Variants in EYS observed in about 807,000 individuals in gnomAD.
EYS encodes EGF-like photoreceptor maintenance factor.
Under a neutral mutation model 282.1 loss-of-function variants are expected in EYS, and 250 were observed. That is an observed-to-expected ratio of 0.89 (90% CI 0.80 to 0.98). The LOEUF (loss-of-function observed/expected upper bound fraction) is 0.98, where lower values mean the gene tolerates loss of function less well. EYS is among the 50% of genes least tolerant of loss of function. EYS has a pLI of 0.00. For missense variants in EYS, 4,016 were observed against 3,709.0 expected, an observed-to-expected ratio of 1.08 and a Z score of -2.15; for synonymous variants, 1,355 against 1,282.9, an observed-to-expected ratio of 1.06 and a Z score of -1.20.
intron 28 of EYS, among the ~76,000 whole-genome samples, chr6:64,399,939 G>T (rs1279925646): frequency 6.6e-6 from 1 of 151,898 alleles, no homozygotes; most frequent in Non-Finnish European, 1.5e-5. Flanking sequence ...AGTATTAGCT[G>T]CATGGAATTC....
intron 31 of EYS, among the ~76,000 whole-genome samples, chr6:64,192,923 A>G (rs957545820): frequency 6.6e-6 from 1 of 152,066 alleles, no homozygotes; most frequent in African/African-American, 2.4e-5. Flanking sequence ...TCAATAAATC[A>G]TGTTTCTCTC....
chr6:64,229,366 A>C (rs764361582), intron 31 of EYS, among the ~76,000 whole-genome samples: 3 of 152,190 alleles, frequency 2.0e-5, no homozygotes, highest in Non-Finnish European at 4.4e-5. Flanking sequence ...TAAATAGTTA[A>C]ATGTAGATCT....
chr6:65,653,910 T>C (rs770352441), intron 1 of EYS, among the ~76,000 whole-genome samples: 3 of 152,102 alleles, frequency 2.0e-5, no homozygotes, highest in African/African-American at 4.8e-5. Context: ...AGCAAAAATA[T>C]GTCTGTATCT....
At position 64,230,600 on chromosome 6, in the gene EYS, C is replaced by T. The variant is rs749909863; in HGVS notation, c.6416G>A (p.Cys2139Tyr). Reference sequence around the variant, plus strand: ...TAATGAAGATTGATTACCTTTTTCACAGAAGCGGCCAGTGAAATGTAGTGG... The same window carrying T: ...TAATGAAGATTGATTACCTTTTTCATAGAAGCGGCCAGTGAAATGTAGTGG... ...DCPLHFTGRF[C>Y]EKDAGLFFPS... is the part of the protein sequence containing the mutation. Residue 2139 changes from cysteine to tyrosine, a missense_variant, in exon 31 of 43, where the codon TGT becomes TAT. By Grantham distance (194) the Cys-to-Tyr change is radical. Transcript: ENST00000503581. 5.4e-5 allele frequency: 83 copies of T among 1,543,586 alleles called. No homozygotes were observed. The East Asian group carries it at 7.1e-4, about 13-fold the overall frequency.
intron 35 of EYS, among the ~76,000 whole-genome samples, chr6:63,924,963 G>A (rs991112394): frequency 3.9e-5 from 6 of 152,106 alleles, no homozygotes; most frequent in East Asian, 1.9e-4. Context: ...ACCACTACCC[G>A]CAACATTGAC....
At chr6:64,950,419 T>C (rs1273529359) in intron 14 of EYS, among the ~76,000 whole-genome samples, 1 of 151,828 alleles carries the variant, frequency 6.6e-6, no homozygotes, top group Non-Finnish European at 1.5e-5. Flanking sequence ...TAACAACAAA[T>C]AGAAATTTAG....
chr6:65,390,813 G>A (rs773532728), intron 7 of EYS, among the ~76,000 whole-genome samples: 1 of 151,970 alleles, frequency 6.6e-6, no homozygotes, highest in South Asian at 2.1e-4. Context: ...GAGCCCAGGA[G>A]GTTGAGACTG....
chr6:64,409,756 C>CT (rs1348551241), intron 28 of EYS, among the ~76,000 whole-genome samples: 1 of 152,084 alleles, frequency 6.6e-6, no homozygotes, highest in Non-Finnish European at 1.5e-5. Flanking sequence ...AAGCTAGTAA[C>CT]ACACACTATG....
intron 10 of EYS, among the ~76,000 whole-genome samples, chr6:65,342,180 T>C (rs1447634732): frequency 2.0e-5 from 3 of 151,152 alleles, no homozygotes; most frequent in Non-Finnish European, 3.0e-5. Flanking sequence ...GGCTTATTTA[T>C]TTAAAAAGGA....
chr6:64,026,831 G>A (rs2149824971), intron 33 of EYS, among the ~76,000 whole-genome samples: 1 of 152,246 alleles, frequency 6.6e-6, no homozygotes, highest in South Asian at 2.1e-4. Context: ...GCTGTAGAGG[G>A]AGGGGAATTT....
intron 13 of EYS, among the ~76,000 whole-genome samples, chr6:65,035,365 G>C (rs1157732264): frequency 1.3e-5 from 2 of 151,988 alleles, no homozygotes; most frequent in Non-Finnish European, 2.9e-5. Flanking sequence ...TCAGTCAAGA[G>C]AAGGACATAA....
At chr6:65,364,296 C>T (rs1582191144) in intron 8 of EYS, among the ~76,000 whole-genome samples, 1 of 148,120 alleles carries the variant, frequency 6.8e-6, no homozygotes, top group South Asian at 2.1e-4. Context: ...TTGATTAGAA[C>T]ATTTCCTTCC....
chr6:65,162,035 C>G (rs1161149537), intron 12 of EYS, among the ~76,000 whole-genome samples: 1 of 151,216 alleles, frequency 6.6e-6, no homozygotes, highest in Non-Finnish European at 1.5e-5. Context: ...TATTAAACAT[C>G]TGAAACAGGC....
At chr6:65,694,684 C>G (rs780473283) in intron 1 of EYS, among the ~76,000 whole-genome samples, 1 of 147,782 alleles carries the variant, frequency 6.8e-6, no homozygotes, top group African/African-American at 2.5e-5. Flanking sequence ...CAAATTGATG[C>G]ACTTGTGCAA....
chr6:64,569,240 C>T (rs1582904635), intron 26 of EYS, among the ~76,000 whole-genome samples: 1 of 151,438 alleles, frequency 6.6e-6, no homozygotes, highest in East Asian at 2.0e-4. Flanking sequence ...AAGCTAAGAA[C>T]CTTGAAAAAA....
At chr6:63,957,748 C>G (rs1582031064) in intron 35 of EYS, among the ~76,000 whole-genome samples, 2 of 140,900 alleles carry the variant, frequency 1.4e-5, no homozygotes, top group East Asian at 4.1e-4. Flanking sequence ...CTCTAGAGTA[C>G]TGCTCTCTCT....
chr6:65,508,662 CAA>C (rs35302193), intron 2 of EYS, among the ~76,000 whole-genome samples: 498 of 109,910 alleles, frequency 4.5e-3, no homozygotes, highest in African/African-American at 0.012. Flanking sequence ...GACTCCATCT[CAA>C]AAAAAAAAAA....
At chr6:65,604,848 T>TC (rs1380002425) in intron 2 of EYS, among the ~76,000 whole-genome samples, 1 of 149,382 alleles carries the variant, frequency 6.7e-6, no homozygotes, top group Admixed American at 6.7e-5. Flanking sequence ...CCCCCTTTTT[T>TC]TTTTTTTTTT....
chr6:63,962,969 T>C (rs1766142246), intron 35 of EYS, among the ~76,000 whole-genome samples: 1 of 152,064 alleles, frequency 6.6e-6, no homozygotes, highest in Admixed American at 6.6e-5. Context: ...GGGACATGGA[T>C]GAAGCTGGAA....
Sources: gnomAD v4.1 joint callset for allele counts (sites outside exome capture counted in the v4.1 genomes callset) on GRCh38, gnomAD v4.1.1 for gene constraint, MANE v1.5 for transcripts, NCBI Gene and HGNC (gene_info 2026-07-23, HGNC 2026-07-21) for gene names.